Variants in RTF1 observed in about 807,000 individuals in gnomAD.
RTF1 encodes the protein RTF1 homolog, Paf1/RNA polymerase II complex component.
A neutral mutation model predicts 95.7 loss-of-function variants in RTF1; 10 were observed. The ratio of observed to expected loss-of-function variants is 0.10; its 90% CI spans 0.06 to 0.18. The LOEUF is 0.18. Among genes scored for constraint, RTF1 ranks in the 10% least tolerant of loss-of-function variants. The pLI, the probability that RTF1 is intolerant of heterozygous loss-of-function variation, is 1.00. For missense variants in RTF1, 458 were observed against 875.6 expected, an observed-to-expected ratio of 0.52 and a Z score of 6.02; for synonymous variants, 305 against 311.8, an observed-to-expected ratio of 0.98 and a Z score of 0.23.
chr15:41,435,064 G>A (rs562906424), intron 1 of RTF1, among the ~76,000 whole-genome samples: 1 of 151,570 alleles, frequency 6.6e-6, no homozygotes, highest in East Asian at 1.9e-4. Flanking sequence ...GGGTTCAAGC[G>A]ATTCTCCTGC....
At chr15:41,418,171 G>GT (rs1209973836) in intron 1 of RTF1, among the ~76,000 whole-genome samples, 7 of 152,194 alleles carry the variant, frequency 4.6e-5, no homozygotes, top group Non-Finnish European at 4.4e-5. Flanking sequence ...TCTGCTCTTT[G>GT]TAGCAGTGCT....
At chr15:41,457,486 C>T (rs1384299854) in intron 3 of RTF1, among the ~76,000 whole-genome samples, 186 bp from the exon 4 acceptor site, 1 of 152,102 alleles carries the variant, frequency 6.6e-6, no homozygotes, top group African/African-American at 2.4e-5. Flanking sequence ...GATTGTGCCA[C>T]TGCACTCCAG....
chr15:41,446,205 T>C (rs2050760927), intron 2 of RTF1, among the ~76,000 whole-genome samples: 1 of 152,152 alleles, frequency 6.6e-6, no homozygotes, highest in Non-Finnish European at 1.5e-5. Context: ...TATGGAAACC[T>C]ACAATGTTAC....
intron 1 of RTF1, among the ~76,000 whole-genome samples, chr15:41,417,592 C>T (rs923792640): frequency 2.3e-4 from 35 of 152,116 alleles, no homozygotes; most frequent in African/African-American, 8.4e-4. Context: ...GCGAAAGGGG[C>T]CGCGATCTTC....
At chr15:41,417,644 G>T (rs779855919) in intron 1 of RTF1, among the ~76,000 whole-genome samples, 1 of 152,222 alleles carries the variant, frequency 6.6e-6, no homozygotes, top group African/African-American at 2.4e-5. Context: ...CAGGAGATCC[G>T]GGCTGGGAGA....
rs114018814 is a variant in RTF1 at position 41,431,948 on chromosome 15, C to T, written c.199-6373C>T. On this transcript the variant is annotated intron_variant, in intron 1 of 17. Transcript: ENST00000389629. The stretch of plus-strand genomic sequence containing the variant: ...CCCGAGTAGCTAGACTACAGGTGCA[C>T]GCCCCCATGCCTGGCTAATTTTTTG... 7.6e-3 allele frequency among the ~76,000 whole-genome samples: 1,149 copies of T among 151,980 alleles called. 19 individuals carry two copies. Among genetic ancestry groups the T allele is most frequent in the African/African-American group, 0.026 (1,082 of 41,460 alleles).
chr15:41,480,898 C>A lies in RTF1; in HGVS notation c.*211C>A, dbSNP rs1245438768. 3.5e-6 allele frequency: 2 copies of A among 575,444 alleles called. No homozygotes were observed. Among genetic ancestry groups the A allele is most frequent in the Admixed American group, 3.0e-5 (1 of 33,332 alleles). The allele number at this position is 575,444 out of a possible 1,614,324, so 35.6% of individuals were successfully genotyped here. ...CACCAGCCTCCCCTCCCCCAGGGCC[C>A]CACCCAGTGTGGGCCTGGGCTCTCT... On this transcript the variant is annotated 3_prime_UTR_variant, in exon 18 of 18. Coordinates refer to ENST00000389629, the MANE Select transcript of RTF1 (RefSeq NM_015138.5).
chr15:41,419,532 C>A (rs1173298583), intron 1 of RTF1, among the ~76,000 whole-genome samples: 2 of 152,118 alleles, frequency 1.3e-5, no homozygotes, highest in Admixed American at 6.6e-5. Flanking sequence ...TAATGTTTCA[C>A]AGTCATTTTT....
rs1052356675 is a variant in RTF1 at position 41,481,948 on chromosome 15, T to C, written c.*1261T>C. ...TACAAAACTTAGCCGGGCATGGTGG[T>C]GCGTGCCTGTAATCCCAGCTACTCG... On this transcript the variant is annotated 3_prime_UTR_variant, in exon 18 of 18. Coordinates refer to ENST00000389629, the MANE Select transcript of RTF1 (RefSeq NM_015138.5). The C allele has an allele frequency of 2.0e-5, 3 of 152,088 alleles. No individual in the cohort carries two copies. The highest frequency in any genetic ancestry group is 7.2e-5 in the African/African-American group (3 of 41,404). 9.4% of individuals were successfully genotyped at this position (152,088 alleles called of 1,614,324 possible). A position where few individuals can be genotyped will look rare whatever the true frequency, so the allele number is the denominator to read the frequency against.
intron 4 of RTF1, among the ~76,000 whole-genome samples, chr15:41,461,713 T>TCTCTTGAC (rs1465901379): frequency 1.3e-5 from 2 of 151,438 alleles, no homozygotes; most frequent in African/African-American, 4.9e-5. Context: ...ACGGTCTTGA[T>TCTCTTGAC]CTCTTGACCT....
chr15:41,455,846 C>T (rs2050811904), intron 3 of RTF1, among the ~76,000 whole-genome samples: 1 of 150,384 alleles, frequency 6.6e-6, no homozygotes, highest in African/African-American at 2.4e-5. Flanking sequence ...TAAAAGAGTA[C>T]ATATTGGGTA....
rs2050906760 is a variant in RTF1, at chr15:41,470,724, T to C, written c.1025+332T>C. Among the ~76,000 whole-genome samples, 5 of 141,400 alleles carry C rather than the reference T, an allele frequency of 3.5e-5. No individual in the cohort carries two copies. The Admixed American group carries it at 3.8e-4, about 11-fold the overall frequency. 92.8% of individuals were successfully genotyped at this position (141,400 alleles called of 152,430 possible). A position where few individuals can be genotyped will look rare whatever the true frequency, so the allele number is the denominator to read the frequency against. On this transcript the variant is annotated intron_variant, in intron 7 of 17. Coordinates refer to ENST00000389629, the MANE Select transcript of RTF1 (RefSeq NM_015138.5). ...CCCAGGCTGGAGTGCAGTGGCAGGA[T>C]CTCGGCTCACTGCAAGCTCCGCCTC...
intron 2 of RTF1, among the ~76,000 whole-genome samples, chr15:41,449,638 T>C (rs2050780662): frequency 6.6e-6 from 1 of 151,918 alleles, no homozygotes; most frequent in South Asian, 2.1e-4. Flanking sequence ...CCACCACACT[T>C]GGCCTGGTGA....
At chr15:41,446,427 G>C (rs935321405) in intron 2 of RTF1, among the ~76,000 whole-genome samples, 1 of 152,106 alleles carries the variant, frequency 6.6e-6, no homozygotes. Flanking sequence ...TTAGCCAGGC[G>C]TGGTGGCGCA....
intron 1 of RTF1, among the ~76,000 whole-genome samples, chr15:41,430,709 CTT>C (rs1375755890): frequency 6.6e-6 from 1 of 151,766 alleles, no homozygotes; most frequent in African/African-American, 2.4e-5. Flanking sequence ...CCACTGCACT[CTT>C]GTCTAGGCGA....
At position 41,458,815 on chromosome 15, in the gene RTF1, TA is replaced by T. The variant is rs1225353693; in HGVS notation, c.662+941del. Reference sequence around the variant, plus strand: ...GGCCAAGTGTGGTGGCTCACACTGGTAATCCCTGCACTTTGGGAGGCCAAGG... The same window carrying T: ...GGCCAAGTGTGGTGGCTCACACTGGTATCCCTGCACTTTGGGAGGCCAAGG... On this transcript the variant is annotated intron_variant, in intron 4 of 17. Transcript: ENST00000389629. Among the ~76,000 whole-genome samples, 5 of 149,712 alleles carry T rather than the reference TA, an allele frequency of 3.3e-5. No individual in the cohort carries two copies. The East Asian group carries it at 1.0e-3, about 30-fold the overall frequency.
chr15:41,438,566 A>G, intron 2 of RTF1, 135 bp downstream of exon 2: 1 of 568,396 alleles, frequency 1.8e-6, no homozygotes, highest in East Asian at 3.1e-5. Context: ...GGGAAAGAAA[A>G]TGGTGTAAGG....
chr15:41,475,447 A>G, intron 9 of RTF1, 78 bp from the exon 10 acceptor site: 2 of 1,097,954 alleles, frequency 1.8e-6, no homozygotes, highest in Non-Finnish European at 2.8e-6. Context: ...TAGGTGGTAC[A>G]TAGTCTGGTA....
chr15:41,422,299 A>C (rs1046308359), intron 1 of RTF1, among the ~76,000 whole-genome samples: 1 of 152,234 alleles, frequency 6.6e-6, no homozygotes, highest in East Asian at 1.9e-4. Context: ...AACCTTTGAA[A>C]GTTTTTAAAA....
Sources: gnomAD v4.1 joint callset for allele counts (sites outside exome capture counted in the v4.1 genomes callset) on GRCh38, gnomAD v4.1.1 for gene constraint, MANE v1.5 for transcripts, NCBI Gene and HGNC (gene_info 2026-07-23, HGNC 2026-07-21) for gene names.